Variants in LIMK2 observed in about 807,000 individuals in gnomAD.
LIMK2 encodes LIM domain kinase 2.
Under a neutral mutation model 75.7 loss-of-function variants are expected in LIMK2, and 35 were observed. The ratio of observed to expected loss-of-function variants is 0.46; its 90% CI spans 0.35 to 0.61. The LOEUF is 0.61. Among genes scored for constraint, LIMK2 ranks in the 20% least tolerant of loss-of-function variants. The probability of loss-of-function intolerance (pLI) is 0.00; values close to 1 mark genes in which losing one functional copy is unlikely to be tolerated. For synonymous variants in LIMK2, 301 were observed against 319.2 expected, an observed-to-expected ratio of 0.94 and a Z score of 0.61; for missense variants, 623 against 831.0, an observed-to-expected ratio of 0.75 and a Z score of 3.08.
At chr22:31,263,332 T>C (rs776221479) in intron 7 of LIMK2, among the ~76,000 whole-genome samples, 2 of 152,126 alleles carry the variant, frequency 1.3e-5, no homozygotes, top group Non-Finnish European at 2.9e-5. Context: ...GCAGAAATAC[T>C]GATACCCTAC....
In LIMK2 at chr22:31,272,218, G is replaced by A. The variant is rs563327441; in HGVS notation, c.1384-312G>A. On this transcript the variant is annotated intron_variant, in intron 12 of 15. Transcript: ENST00000331728. ...TAGGACTACAGGCGTGTGCCACCAC[G>A]CCCAGCTAATTTTTTTTTTTTTTTT... is the stretch of plus-strand genomic sequence containing the variant. Among the ~76,000 whole-genome samples the A allele has an allele frequency of 1.6e-4, 24 of 149,308 alleles. No individual in the cohort carries two copies. The South Asian group carries it at 4.7e-3, about 29-fold the overall frequency.
At chr22:31,218,935 C>T (rs1183981272) in intron 1 of LIMK2, among the ~76,000 whole-genome samples, 1 of 152,212 alleles carries the variant, frequency 6.6e-6, no homozygotes, top group African/African-American at 2.4e-5. Flanking sequence ...GTCTCATGAG[C>T]TCTCAGTGCT....
At chr22:31,220,310 G>A (rs1211653713) in intron 1 of LIMK2, among the ~76,000 whole-genome samples, 4 of 152,174 alleles carry the variant, frequency 2.6e-5, no homozygotes, top group East Asian at 3.9e-4. Flanking sequence ...GGTAATCTGG[G>A]AGCCAGAACA....
At chr22:31,277,506 A>C in intron 15 of LIMK2, 1 of 1,041,768 alleles carries the variant, frequency 9.6e-7, no homozygotes, top group Non-Finnish European at 1.2e-6. Context: ...TTTATAGGCC[A>C]AGGACCGCAG....
intron 2 of LIMK2, among the ~76,000 whole-genome samples, chr22:31,234,449 G>A (rs1337406474): frequency 1.3e-5 from 2 of 151,506 alleles, no homozygotes; most frequent in Non-Finnish European, 2.9e-5. Context: ...TTGGCCAGGC[G>A]CGGTGGCTCA....
chr22:31,272,366 TGCCTG>T, intron 12 of LIMK2, 159 bp from the exon 13 acceptor site: 1 of 571,116 alleles, frequency 1.8e-6, no homozygotes. Context: ...GAAGCCACCG[TGCCTG>T]GCCTGAGTGT....
At chr22:31,214,744 G>A (rs2048375940) in intron 1 of LIMK2, among the ~76,000 whole-genome samples, 2 of 152,194 alleles carry the variant, frequency 1.3e-5, no homozygotes, top group South Asian at 4.1e-4. Flanking sequence ...GGGTAGGAAG[G>A]CATGTAGTGC....
At position 31,258,553 on chromosome 22, in the gene LIMK2, T is replaced by G; in HGVS notation, c.252+127T>G. Reference sequence around the variant, plus strand: ...CAGGGCATCTCCCTTTATTTATTCATTCATTCAACTAGCAGGTATCAATTG... The same window carrying G: ...CAGGGCATCTCCCTTTATTTATTCAGTCATTCAACTAGCAGGTATCAATTG... On this transcript the variant is annotated intron_variant, in intron 3 of 15. Transcript: ENST00000331728. 12 of 895,396 alleles carry G rather than the reference T, an allele frequency of 1.3e-5. No individual in the cohort carries two copies. The South Asian group carries it at 2.0e-4, about 15-fold the overall frequency. The allele number at this position is 895,396 out of a possible 1,614,324, so 55.5% of individuals were successfully genotyped here. A position where few individuals can be genotyped will look rare whatever the true frequency, so the allele number is the denominator to read the frequency against.
intron 1 of LIMK2, among the ~76,000 whole-genome samples, chr22:31,220,614 G>A (rs934052840): frequency 2.6e-5 from 4 of 152,196 alleles, no homozygotes; most frequent in African/African-American, 9.7e-5. Flanking sequence ...AATAGGTATA[G>A]ACAAAATGAA....
intron 7 of LIMK2, among the ~76,000 whole-genome samples, chr22:31,264,788 G>C (rs1014159343): frequency 1.3e-5 from 2 of 152,092 alleles, no homozygotes; most frequent in Non-Finnish European, 2.9e-5. Context: ...GCTGGGCGCA[G>C]TGGCTCACGC....
At chr22:31,277,646 CCTACTGTGTGCTAGG>C in intron 15 of LIMK2, 2 of 671,402 alleles carry the variant, frequency 3.0e-6, no homozygotes, top group African/African-American at 3.9e-5. Flanking sequence ...GTATTGAATG[CCTACTGTGTGCTAGG>C]TACAGTTCTA....
chr22:31,225,591 T>A, intron 1 of LIMK2, 129 bp from the exon 2 acceptor site: 5 of 656,040 alleles, frequency 7.6e-6, no homozygotes, highest in Non-Finnish European at 1.1e-5. Flanking sequence ...AAACTGTGCA[T>A]CTAGCAGAGC....
chr22:31,275,616 C>CACCG, intron 15 of LIMK2: 2 of 261,994 alleles, frequency 7.6e-6, no homozygotes, highest in South Asian at 8.1e-5. Context: ...TTCCCCTGTC[C>CACCG]ATATCTACAC....
chr22:31,224,829 A>G (rs1463346462), intron 1 of LIMK2, among the ~76,000 whole-genome samples: 1 of 152,270 alleles, frequency 6.6e-6, no homozygotes, highest in African/African-American at 2.4e-5. Context: ...CCTCCAACAT[A>G]CAAAGAGCTT....
rs559590548 is a variant in LIMK2 at position 31,259,679 on chromosome 22, C to T, written c.363-210C>T. On this transcript the variant is annotated intron_variant, in intron 4 of 15. Coordinates refer to ENST00000331728, the MANE Select transcript of LIMK2 (RefSeq NM_005569.4). ...CCAGGCCAGTGTTTTTCCAAATATACCACTTGCTGCAGATCTAGCTCAGCA... is the reference window on the plus strand; with the variant it reads ...CCAGGCCAGTGTTTTTCCAAATATATCACTTGCTGCAGATCTAGCTCAGCA... 7.9e-4 allele frequency among the ~76,000 whole-genome samples: 121 copies of T among 152,252 alleles called. 6 individuals carry two copies. The South Asian group carries it at 0.025, about 31-fold the overall frequency.
chr22:31,224,727 A>T, intron 1 of LIMK2, among the ~76,000 whole-genome samples: 1 of 152,230 alleles, frequency 6.6e-6, no homozygotes, highest in Non-Finnish European at 1.5e-5. Flanking sequence ...TATCTCTGAA[A>T]TAACATCCAA....
intron 11 of LIMK2, among the ~76,000 whole-genome samples, chr22:31,269,693 G>A (rs896121507): frequency 6.6e-6 from 1 of 151,616 alleles, no homozygotes; most frequent in African/African-American, 2.4e-5. Context: ...AGAATAGCTT[G>A]AACCTGGGAG....
At chr22:31,251,435 G>GGATC (rs1477102476) in intron 2 of LIMK2, among the ~76,000 whole-genome samples, 2 of 152,158 alleles carry the variant, frequency 1.3e-5, no homozygotes, top group Non-Finnish European at 2.9e-5. Flanking sequence ...TGAAGGACTT[G>GGATC]GATCAGGTGA....
intron 15 of LIMK2, among the ~76,000 whole-genome samples, chr22:31,278,058 C>T (rs1418642068): frequency 6.6e-6 from 1 of 152,062 alleles, no homozygotes; most frequent in Non-Finnish European, 1.5e-5. Context: ...AAGTTTTTCT[C>T]CTATTGTTTT....
Sources: allele counts gnomAD v4.1 joint callset (sites outside exome capture counted in the v4.1 genomes callset), GRCh38; gene constraint gnomAD v4.1.1; transcripts MANE v1.5; gene names NCBI Gene and HGNC (gene_info 2026-07-23, HGNC 2026-07-21).